The following NOCT variants were observed in gnomAD, a reference collection of about 807,000 sequenced individuals.
The protein encoded by NOCT is CCR4 carbon catabolite repression 4-like.
NOCT carries 18 observed loss-of-function variants against 35.0 expected under a neutral mutation model. The ratio of observed to expected loss-of-function variants is 0.51; its 90% CI spans 0.36 to 0.76. The LOEUF (loss-of-function observed/expected upper bound fraction) is 0.76. Ranked by LOEUF, NOCT falls within the 30% of genes least tolerant of loss-of-function variation. The probability of loss-of-function intolerance (pLI) is 0.01; values close to 1 mark genes in which losing one functional copy is unlikely to be tolerated. For missense variants in NOCT, 479 were observed against 541.0 expected, an observed-to-expected ratio of 0.89 and a Z score of 1.14; for synonymous variants, 235 against 226.3, an observed-to-expected ratio of 1.04 and a Z score of -0.34.
intron 1 of NOCT, among the ~76,000 whole-genome samples, chr4:139,022,925 C>A (rs1454115731): frequency 6.6e-6 from 1 of 151,986 alleles, no homozygotes; most frequent in African/African-American, 2.4e-5. Flanking sequence ...ATGGCAAAAA[C>A]CCCATCTTTA....
chr4:139,034,814 G>A (rs1475403887), intron 1 of NOCT, among the ~76,000 whole-genome samples: 1 of 152,156 alleles, frequency 6.6e-6, no homozygotes, highest in Non-Finnish European at 1.5e-5. Flanking sequence ...GCCCACCTCA[G>A]CCTCCCAGAG....
At chr4:139,016,979 T>TTTTTTTTGGCGGC in intron 1 of NOCT, among the ~76,000 whole-genome samples, 1 of 149,832 alleles carries the variant, frequency 6.7e-6, no homozygotes, top group African/African-American at 2.5e-5. Context: ...GATTTTTTTT[T>TTTTTTTTGGCGGC]TTTGGAGGCT....
At chr4:139,042,682 G>T (rs1481447107) in intron 1 of NOCT, among the ~76,000 whole-genome samples, 1 of 152,112 alleles carries the variant, frequency 6.6e-6, no homozygotes, top group South Asian at 2.1e-4. Context: ...TTGGGAGGCC[G>T]AGGCGGGCAG....
At chr4:139,039,242 G>T (rs1174406112) in intron 1 of NOCT, among the ~76,000 whole-genome samples, 1 of 150,182 alleles carries the variant, frequency 6.7e-6, no homozygotes, top group Non-Finnish European at 1.5e-5. Flanking sequence ...CCTCATAAGG[G>T]GCTCATGGAG....
In NOCT at chr4:139,043,251, C is replaced by T. The variant is rs1203377090; in HGVS notation, c.368C>T (p.Pro123Leu). ...AGGGCCGTCCTGCACACCCGACCTC[C>T]CCGGTTCCAGAGGGATTTTGTGGAT... ...ECRAVLHTRP[P>L]RFQRDFVDLR... Residue 123 changes from proline to leucine, a missense_variant, in exon 2 of 3, where the codon CCC (proline) becomes CTC (leucine). Transcript: ENST00000280614. The T allele has an allele frequency of 6.2e-7, 1 of 1,614,190 alleles. No individual in the cohort carries two copies. The highest frequency in any genetic ancestry group is 8.5e-7 in the Non-Finnish European group (1 of 1,180,030).
At chr4:139,037,292 G>A (rs1726753664) in intron 1 of NOCT, among the ~76,000 whole-genome samples, 1 of 152,094 alleles carries the variant, frequency 6.6e-6, no homozygotes, top group Admixed American at 6.6e-5. Flanking sequence ...AGTACAAAAG[G>A]GCTATGCCAA....
intron 1 of NOCT, among the ~76,000 whole-genome samples, chr4:139,025,819 A>T (rs964384664): frequency 6.7e-6 from 1 of 150,270 alleles, no homozygotes; most frequent in African/African-American, 2.4e-5. Flanking sequence ...AAAAAAAAAA[A>T]TTTAAATATA....
intron 1 of NOCT, among the ~76,000 whole-genome samples, chr4:139,027,334 C>T (rs998024794): frequency 5.3e-5 from 8 of 151,944 alleles, no homozygotes; most frequent in Admixed American, 3.9e-4. Flanking sequence ...GCCACCATGC[C>T]TGGCTAAAGG....
intron 2 of NOCT, among the ~76,000 whole-genome samples, chr4:139,044,225 A>C (rs182996781): frequency 7.7e-4 from 115 of 149,448 alleles, no homozygotes; most frequent in Non-Finnish European, 1.1e-3. Context: ...TATTTAAAAT[A>C]AGTTCCATTC....
In NOCT at chr4:139,044,882, G is replaced by C. The variant is rs751368577; in HGVS notation, c.704G>C (p.Gly235Ala). 1.2e-6 allele frequency: 2 copies of C among 1,614,122 alleles called. No homozygotes were observed. Among genetic ancestry groups the C allele is most frequent in the South Asian group, 2.2e-5 (2 of 91,080 alleles). ...LDVEHNNGPD[G>A]CALFFLQNRF... ...GTAGAACACAACAATGGACCAGATG[G>C]TTGTGCCTTATTTTTTCTTCAAAAC... Residue 235 changes from glycine to alanine, a missense_variant, in exon 3 of 3, where the codon GGT (glycine) becomes GCT (alanine). Gly to Ala is a moderately conservative substitution (Grantham distance 60, BLOSUM62 0). Around this residue, in one of 2 missense-constraint regions of NOCT, gnomAD observed 214 missense variants for 284.0 expected, o/e 0.75. Coordinates refer to ENST00000280614, the MANE Select transcript of NOCT (RefSeq NM_012118.4).
chr4:139,026,001 C>T (rs994283426), intron 1 of NOCT, among the ~76,000 whole-genome samples: 1 of 151,946 alleles, frequency 6.6e-6, no homozygotes, highest in Non-Finnish European at 1.5e-5. Flanking sequence ...AATTGTTTCC[C>T]CTCCTTTTTA....
intron 1 of NOCT, among the ~76,000 whole-genome samples, chr4:139,026,498 G>A (rs1162018961): frequency 2.0e-5 from 3 of 151,870 alleles, no homozygotes; most frequent in African/African-American, 7.3e-5. Context: ...GAGTAGCTGA[G>A]ACTATAGGTA....
rs1726922269 is a variant in NOCT, at chr4:139,045,531, T to TTTA, written c.*59_*60insATT. 9.7e-7 allele frequency: 1 copy of TTTA among 1,033,166 alleles called. No individual in the cohort carries two copies. Among genetic ancestry groups the TTTA allele is most frequent in the South Asian group, 1.7e-5 (1 of 60,230 alleles). 64.0% of individuals were successfully genotyped at this position (1,033,166 alleles called of 1,614,324 possible). On this transcript the variant is annotated 3_prime_UTR_variant, in exon 3 of 3. Transcript: ENST00000280614. ...TCTATTTTTTTTTTTTTTTTTTTTTTTTTGAGACAGAGTCTCGCTCTGTTG... is the reference window on the plus strand; with the variant it reads ...TCTATTTTTTTTTTTTTTTTTTTTTTTTATTTGAGACAGAGTCTCGCTCTGTTG...
rs1378924965 is a variant in NOCT, at chr4:139,015,988, C to CA, written c.8dup (p.His3GlnfsTer2). 7.3e-7 allele frequency: 1 copy of CA among 1,375,458 alleles called. No homozygotes were observed. The highest frequency in any genetic ancestry group is 3.3e-5 in the Admixed American group (1 of 30,384). 85.2% of individuals were successfully genotyped at this position (1,375,458 alleles called of 1,614,324 possible). ...GGTGGCGGCGGCGCCCGGCATGTTT[C>CA]ATAGTCCGCGGCGGCTCTGCTCGGC... On this transcript the variant is annotated frameshift_variant, in exon 1 of 3. Coordinates refer to ENST00000280614, the MANE Select transcript of NOCT (RefSeq NM_012118.4). LOFTEE classifies it high-confidence loss of function.
chr4:139,040,327 A>G (rs1402364078), intron 1 of NOCT, among the ~76,000 whole-genome samples: 3 of 151,950 alleles, frequency 2.0e-5, no homozygotes, highest in African/African-American at 7.3e-5. Flanking sequence ...GGCTTGAGAC[A>G]CCGCGCCCAG....
intron 1 of NOCT, among the ~76,000 whole-genome samples, chr4:139,027,809 A>AT (rs1488723930): frequency 1.3e-5 from 2 of 152,154 alleles, no homozygotes; most frequent in African/African-American, 4.8e-5. Context: ...ATTTATGAAC[A>AT]TTAAAATTTG....
chr4:139,020,712 A>T (rs531806999), intron 1 of NOCT, among the ~76,000 whole-genome samples: 6 of 152,276 alleles, frequency 3.9e-5, no homozygotes, highest in African/African-American at 1.4e-4. Context: ...TCCTTTCCCC[A>T]AAGGTACTTA....
Position 139,043,102 on chromosome 4 carries a change from ACT to A in NOCT, c.222_223del (p.Tyr75Ter). ...GTTCCATGGGAACCGGTACAAGCAG[ACT>A]CTATAGTGCTCTCGCCAAGACACTG... ...VCSMGTGTSR[L>X]YSALAKTLNS... On this transcript the variant is annotated frameshift_variant, in exon 2 of 3. Transcript: ENST00000280614. LOFTEE classifies it high-confidence loss of function. 3 of 1,607,420 alleles carry A rather than the reference ACT, an allele frequency of 1.9e-6. No homozygotes were observed. Among genetic ancestry groups the A allele is most frequent in the Non-Finnish European group, 1.7e-6 (2 of 1,174,646 alleles).
rs751476555 is a variant in NOCT, at chr4:139,043,138, C to T, written c.255C>T (p.Ser85=). The T allele has an allele frequency of 5.0e-6, 8 of 1,613,852 alleles. No individual in the cohort carries two copies. The highest frequency in any genetic ancestry group is 1.6e-4 in the Middle Eastern group (1 of 6,084). The change falls in exon 2 of 3, where the codon AGC becomes AGT. Residue 85 remains serine, a synonymous_variant. Coordinates refer to ENST00000280614, the MANE Select transcript of NOCT (RefSeq NM_012118.4). ...YSALAKTLNS[S]AASQHPEYLV... is the part of the protein sequence containing the mutation. ...CTCTCGCCAAGACACTGAACAGCAG[C>T]GCTGCCTCCCAGCACCCAGAGTATT... is the stretch of plus-strand genomic sequence containing the variant.
Sources: gnomAD v4.1 joint callset for allele counts (sites outside exome capture counted in the v4.1 genomes callset) on GRCh38, gnomAD v4.1.1 for gene constraint, gnomAD v4.1.1 regional missense constraint, MANE v1.5 for transcripts, NCBI Gene and HGNC (gene_info 2026-07-23, HGNC 2026-07-21) for gene names.